CCDC126: variants seen among roughly 807,000 people sequenced by gnomAD.
CCDC126 encodes the protein coiled-coil domain containing 126, also known as coiled-coil domain-containing protein 126.
A neutral mutation model predicts 11.7 loss-of-function variants in CCDC126; 5 were observed. The observed-to-expected ratio is 0.43, with a 90% CI of 0.22 to 0.90. The LOEUF is 0.90. CCDC126 is among the 40% of genes least tolerant of loss of function. CCDC126 has a pLI of 0.27. For missense variants in CCDC126, 150 were observed against 163.1 expected, an observed-to-expected ratio of 0.92 and a Z score of 0.44; for synonymous variants, 60 against 61.9, an observed-to-expected ratio of 0.97 and a Z score of 0.14.
chr7:23,618,538 AT>A (rs5741645), intron 3 of CCDC126, among the ~76,000 whole-genome samples: 56,787 of 119,582 alleles, frequency 0.47, 12,936 homozygotes, highest in South Asian at 0.61. Context: ...GATCAGCTAA[AT>A]TTTTTTTTTT....
At chr7:23,638,495 G>T (rs866703161) in intron 3 of CCDC126, among the ~76,000 whole-genome samples, 2 of 113,128 alleles carry the variant, frequency 1.8e-5, no homozygotes, top group Non-Finnish European at 1.8e-5. Context: ...GATGTGCTTT[G>T]TTAAACAGAT....
intron 2 of CCDC126, among the ~76,000 whole-genome samples, chr7:23,603,624 C>T (rs764211941): frequency 4.1e-4 from 62 of 152,154 alleles, no homozygotes; most frequent in Middle Eastern, 3.4e-3. Context: ...ATCTGAAATG[C>T]GAGGGAAATG....
chr7:23,622,515 T>G, intron 3 of CCDC126: 1 of 486,166 alleles, frequency 2.1e-6, no homozygotes, highest in Non-Finnish European at 4.1e-6. Context: ...CTGGATTTAG[T>G]GCAGTCAACG....
At chr7:23,598,834 G>T (rs541680627) in intron 2 of CCDC126, among the ~76,000 whole-genome samples, 12 of 152,322 alleles carry the variant, frequency 7.9e-5, no homozygotes, top group African/African-American at 2.9e-4. Flanking sequence ...TCCTTGCTCT[G>T]TCACTATCTG....
intron 3 of CCDC126, among the ~76,000 whole-genome samples, chr7:23,636,635 G>A (rs1237044032): frequency 1.4e-5 from 2 of 140,986 alleles, no homozygotes; most frequent in African/African-American, 5.5e-5. Flanking sequence ...CAACCGCCCC[G>A]TCTGAGAAGT....
Position 23,643,470 on chromosome 7 carries a change from G to C in CCDC126, c.*355G>C, listed in dbSNP as rs944091905. On this transcript the variant is annotated 3_prime_UTR_variant, in exon 4 of 4. Coordinates refer to ENST00000307471, the MANE Select transcript of CCDC126 (RefSeq NM_138771.4). ...TCATTTCTATAACACATTTATTTAA[G>C]TATATAACACGTTTTTTGGACAAGT... is the stretch of plus-strand genomic sequence containing the variant. The C allele has an allele frequency of 9.1e-5, 16 of 175,130 alleles. No homozygotes were observed. The highest frequency in any genetic ancestry group is 3.3e-4 in the African/African-American group (14 of 42,368). 10.8% of individuals were successfully genotyped at this position (175,130 alleles called of 1,614,324 possible). A position where few individuals can be genotyped will look rare whatever the true frequency, so the allele number is the denominator to read the frequency against.
chr7:23,599,464 T>G (rs1023044898), intron 2 of CCDC126, among the ~76,000 whole-genome samples: 2 of 151,904 alleles, frequency 1.3e-5, no homozygotes, highest in African/African-American at 4.8e-5. Flanking sequence ...TATCTAGTGC[T>G]GCATAGTGTG....
At chr7:23,639,466 A>G (rs1228645834) in intron 3 of CCDC126, among the ~76,000 whole-genome samples, 10 of 152,162 alleles carry the variant, frequency 6.6e-5, no homozygotes, top group Admixed American at 1.3e-4. Context: ...CGGCCGCCCA[A>G]AGTGCTGGGA....
chr7:23,619,489 T>TC (rs1200314914), intron 3 of CCDC126: 4 of 373,456 alleles, frequency 1.1e-5, no homozygotes, highest in Non-Finnish European at 2.1e-5. Flanking sequence ...CCAACACCCT[T>TC]CCTGCCTATT....
intron 3 of CCDC126, among the ~76,000 whole-genome samples, chr7:23,636,614 T>C (rs7798801): frequency 1 from 116,472 of 116,700 alleles, 58,122 homozygotes; most frequent in Middle Eastern, 1. Context: ...GTGAGGAAAC[T>C]CTCTGCCTGG....
chr7:23,637,513 C>T (rs1348084311), intron 3 of CCDC126, among the ~76,000 whole-genome samples: 10 of 74,154 alleles, frequency 1.3e-4, no homozygotes, highest in African/African-American at 4.8e-4. Context: ...CCAGCCGCCC[C>T]GTCCGGGAGG....
intron 3 of CCDC126, chr7:23,622,855 TC>T (rs2128018523): frequency 2.5e-6 from 1 of 401,184 alleles, no homozygotes; most frequent in East Asian, 6.2e-5. Flanking sequence ...CCTCTGCCTT[TC>T]TGCAACCAAT....
intron 3 of CCDC126, among the ~76,000 whole-genome samples, chr7:23,637,873 G>T (rs367596504): frequency 4.9e-4 from 46 of 94,814 alleles, no homozygotes; most frequent in Non-Finnish European, 9.4e-4. Context: ...CGGCCGCCCC[G>T]TCCGGGAGGT....
chr7:23,619,072 C>T (rs1176022560), intron 3 of CCDC126, among the ~76,000 whole-genome samples: 1 of 152,168 alleles, frequency 6.6e-6, no homozygotes, highest in Admixed American at 6.5e-5. Flanking sequence ...CCTTCATTTA[C>T]TCTTCCAGTT....
intron 3 of CCDC126, 30 bp downstream of exon 3, chr7:23,611,583 C>T (rs937336295): frequency 1.4e-6 from 2 of 1,450,742 alleles, no homozygotes; most frequent in African/African-American, 2.8e-5. Context: ...TTTCTAGTTT[C>T]CTCCAATCCC....
At chr7:23,603,869 G>C (rs932480912) in intron 2 of CCDC126, among the ~76,000 whole-genome samples, 3 of 152,150 alleles carry the variant, frequency 2.0e-5, no homozygotes, top group Non-Finnish European at 2.9e-5. Context: ...GCAGTGTAAG[G>C]CTTGTTGTTC....
In CCDC126 at chr7:23,618,598, C is replaced by T. The variant is rs112046917; in HGVS notation, c.238+7045C>T. On this transcript the variant is annotated intron_variant, in intron 3 of 3. Transcript: ENST00000307471. Reference sequence around the variant, plus strand: ...CAGAGTCTTGCTCTGTTGTTCAGGCCGGAGTGCAGTGGTGCAATCTTGGCT... The same window carrying T: ...CAGAGTCTTGCTCTGTTGTTCAGGCTGGAGTGCAGTGGTGCAATCTTGGCT... Among the ~76,000 whole-genome samples the T allele has an allele frequency of 1.0e-3, 152 of 147,148 alleles. 2 individuals carry two copies. The highest frequency in any genetic ancestry group is 1.4e-3 in the Non-Finnish European group (96 of 67,346).
chr7:23,635,372 A>G (rs1783191608), intron 3 of CCDC126, among the ~76,000 whole-genome samples: 1 of 152,236 alleles, frequency 6.6e-6, no homozygotes. Flanking sequence ...TCTTACTGCT[A>G]GCACCTTCAG....
At chr7:23,597,669 C>G (rs533899058) in intron 1 of CCDC126, 64 bp downstream of exon 1, 1 of 152,744 alleles carries the variant, frequency 6.5e-6, no homozygotes, top group African/African-American at 2.4e-5. Context: ...TCAGCCTAGC[C>G]GGCCGCTCCT....
Sources: allele counts gnomAD v4.1 joint callset (sites outside exome capture counted in the v4.1 genomes callset), GRCh38; gene constraint gnomAD v4.1.1; transcripts MANE v1.5; gene names NCBI Gene and HGNC (gene_info 2026-07-23, HGNC 2026-07-21).